The following TMEM132D variants were observed in gnomAD, a reference collection of about 807,000 sequenced individuals.
TMEM132D encodes mature OL transmembrane protein.
Under a neutral mutation model 62.3 loss-of-function variants are expected in TMEM132D, and 21 were observed. The observed-to-expected ratio is 0.34, with a 90% CI of 0.24 to 0.49. TMEM132D has a LOEUF of 0.49. TMEM132D is among the 20% of genes least tolerant of loss of function. The pLI, the probability that TMEM132D is intolerant of heterozygous loss-of-function variation, is 0.99. For synonymous variants in TMEM132D, 621 were observed against 575.6 expected (o/e 1.08, Z -1.13); for missense variants, 1,346 against 1,402.8 (o/e 0.96, Z 0.65).
At chr12:129,747,292 A>G (rs959501276) in intron 1 of TMEM132D, among the ~76,000 whole-genome samples, 6 of 146,996 alleles carry the variant, frequency 4.1e-5, no homozygotes, top group Non-Finnish European at 1.5e-5. Context: ...ATCCGCCTCA[A>G]GTTGACTTTT....
chr12:129,482,543 G>A (rs1874459413), intron 3 of TMEM132D, among the ~76,000 whole-genome samples: 2 of 152,170 alleles, frequency 1.3e-5, no homozygotes, highest in Admixed American at 6.5e-5. Flanking sequence ...TTAGGAAGGT[G>A]GGATGAGGTG....
At chr12:129,877,613 G>GCGCACACACACACACACACA (rs1555238201) in intron 1 of TMEM132D, among the ~76,000 whole-genome samples, 6 of 144,400 alleles carry the variant, frequency 4.2e-5, no homozygotes, top group South Asian at 2.3e-4. Context: ...GCGCGCGCGC[G>GCGCACACACACACACACACA]CACACACACA....
chr12:129,287,944 T>C (rs954214576), intron 4 of TMEM132D, among the ~76,000 whole-genome samples: 83 of 152,220 alleles, frequency 5.5e-4, no homozygotes, highest in African/African-American at 2.0e-3. Context: ...TTTTAAGCAC[T>C]GTAGCGTTGT....
chr12:129,144,567 G>C (rs909985875), intron 5 of TMEM132D, among the ~76,000 whole-genome samples: 1 of 152,116 alleles, frequency 6.6e-6, no homozygotes, highest in East Asian at 1.9e-4. Context: ...AGGCACCTGG[G>C]ACCATCCAGC....
In TMEM132D at chr12:129,078,732, G is replaced by A. The variant is rs2135611678; in HGVS notation, c.1924-7C>T. 6.2e-7 allele frequency: 1 copy of A among 1,610,280 alleles called. No homozygotes were observed. The highest frequency in any genetic ancestry group is 8.5e-7 in the Non-Finnish European group (1 of 1,176,724). On this transcript the variant is annotated splice_region_variant and splice_polypyrimidine_tract_variant and intron_variant, in intron 7 of 8. Transcript: ENST00000422113. ...CTGACAGAGGAGACAGGATCTGGAG[G>A]GCAGAAGCGACATGACAAGGAAAGG...
chr12:129,427,424 C>G (rs1174260539), intron 3 of TMEM132D, among the ~76,000 whole-genome samples: 6 of 146,136 alleles, frequency 4.1e-5, no homozygotes, highest in Middle Eastern at 3.4e-3. Flanking sequence ...GGGGAGGGGG[C>G]AGGGATAGCA....
At chr12:129,750,829 T>TTA (rs1869976860) in intron 1 of TMEM132D, among the ~76,000 whole-genome samples, 1 of 151,878 alleles carries the variant, frequency 6.6e-6, no homozygotes, top group Non-Finnish European at 1.5e-5. Context: ...GAAGAGAGGT[T>TTA]TTTGGATGTT....
chr12:129,427,642 T>G (rs913818354), intron 3 of TMEM132D, among the ~76,000 whole-genome samples: 1 of 152,126 alleles, frequency 6.6e-6, no homozygotes, highest in Non-Finnish European at 1.5e-5. Context: ...TGCATCCCAG[T>G]TTTTGTTAGT....
intron 5 of TMEM132D, among the ~76,000 whole-genome samples, chr12:129,187,992 T>C (rs1878268038): frequency 6.6e-6 from 1 of 152,246 alleles, no homozygotes; most frequent in South Asian, 2.1e-4. Flanking sequence ...TAGTTGGATG[T>C]ACCAAATATA....
At chr12:129,451,553 A>G (rs2135726834) in intron 3 of TMEM132D, among the ~76,000 whole-genome samples, 1 of 152,352 alleles carries the variant, frequency 6.6e-6, no homozygotes, top group Middle Eastern at 3.4e-3. Context: ...ACTAAGCAAA[A>G]AATCTCATGA....
chr12:129,105,933 C>T (rs944057428), intron 5 of TMEM132D, among the ~76,000 whole-genome samples: 5 of 151,244 alleles, frequency 3.3e-5, no homozygotes, highest in Admixed American at 1.3e-4. Context: ...ACCCAAAGGA[C>T]TATAAATCAT....
At chr12:129,570,804 T>C (rs576798323) in intron 2 of TMEM132D, among the ~76,000 whole-genome samples, 1 of 152,366 alleles carries the variant, frequency 6.6e-6, no homozygotes, top group South Asian at 2.1e-4. Flanking sequence ...AGCATTCATA[T>C]TATGAAATAA....
At chr12:129,653,112 G>T (rs1369494710) in intron 2 of TMEM132D, among the ~76,000 whole-genome samples, 2 of 152,210 alleles carry the variant, frequency 1.3e-5, no homozygotes, top group Admixed American at 6.5e-5. Flanking sequence ...CCAACCGTGT[G>T]AAGGGAAGAG....
intron 2 of TMEM132D, among the ~76,000 whole-genome samples, chr12:129,667,269 T>C (rs1880400031): frequency 6.6e-6 from 1 of 152,196 alleles, no homozygotes; most frequent in African/African-American, 2.4e-5. Context: ...AAAACTAGCT[T>C]TAACATCAAA....
intron 1 of TMEM132D, among the ~76,000 whole-genome samples, chr12:129,792,597 C>T (rs970732869): frequency 2.0e-5 from 3 of 152,166 alleles, no homozygotes; most frequent in African/African-American, 4.8e-5. Flanking sequence ...GGGGCGTTGA[C>T]GGTCAGGCAA....
intron 3 of TMEM132D, among the ~76,000 whole-genome samples, chr12:129,486,809 C>T (rs1422214562): frequency 2.8e-5 from 3 of 107,996 alleles, no homozygotes; most frequent in Non-Finnish European, 5.6e-5. Flanking sequence ...TTATTAAGCA[C>T]ATTATTAAGC....
chr12:129,889,028 T>C (rs1032940344), intron 1 of TMEM132D, among the ~76,000 whole-genome samples: 2 of 152,216 alleles, frequency 1.3e-5, no homozygotes, highest in African/African-American at 4.8e-5. Context: ...AGAGAAACGT[T>C]CTTTCTTTTT....
intron 5 of TMEM132D, among the ~76,000 whole-genome samples, chr12:129,114,757 G>A (rs1372801586): frequency 1.3e-5 from 2 of 152,130 alleles, no homozygotes; most frequent in Admixed American, 6.5e-5. Flanking sequence ...TTGACCTTTG[G>A]AGTAAATGGA....
chr12:129,407,998 C>A (rs1266341996), intron 3 of TMEM132D, among the ~76,000 whole-genome samples: 1 of 152,128 alleles, frequency 6.6e-6, no homozygotes, highest in Non-Finnish European at 1.5e-5. Context: ...TTCACCCCAC[C>A]TCCTTCTTAC....
Sources: gnomAD v4.1 joint callset for allele counts (sites outside exome capture counted in the v4.1 genomes callset) on GRCh38, gnomAD v4.1.1 for gene constraint, MANE v1.5 for transcripts, NCBI Gene and HGNC (gene_info 2026-07-23, HGNC 2026-07-21) for gene names.